Variants in AHI1 observed in about 807,000 individuals in gnomAD.
AHI1 encodes the protein Abelson helper integration site 1.
In AHI1, 123 loss-of-function variants were observed where a neutral mutation model predicts 149.3. The observed-to-expected ratio is 0.82, with a 90% confidence interval of 0.71 to 0.96. AHI1 has a LOEUF of 0.96. Among genes scored for constraint, AHI1 ranks in the 40% least tolerant of loss-of-function variants. The probability of loss-of-function intolerance (pLI) is 0.00; values close to 1 mark genes in which losing one functional copy is unlikely to be tolerated. For synonymous variants in AHI1, 475 were observed against 459.8 expected (o/e 1.03, Z -0.42); for missense variants, 1,439 against 1,422.7 (o/e 1.01, Z -0.18).
At chr6:135,459,499 G>GA (rs918322464) in intron 8 of AHI1, among the ~76,000 whole-genome samples, 5 of 151,338 alleles carry the variant, frequency 3.3e-5, no homozygotes, top group South Asian at 2.1e-4. Flanking sequence ...ACAGTTACAA[G>GA]AAAAAAAATC....
chr6:135,306,313 C>G (rs924079135), intron 26 of AHI1, among the ~76,000 whole-genome samples: 22 of 152,166 alleles, frequency 1.4e-4, no homozygotes, highest in African/African-American at 5.1e-4. Flanking sequence ...AAAGGAAAAG[C>G]AGTTCCTTCT....
Position 135,444,957 on chromosome 6 carries a change from A to C in AHI1, c.1779+2051T>G, listed in dbSNP as rs547176759. On this transcript the variant is annotated intron_variant, in intron 13 of 28. Coordinates refer to ENST00000265602, the MANE Select transcript of AHI1 (RefSeq NM_001134831.2). ...TACATTTTGAGAACTGCTGATCTGT[A>C]CAATCATCTTTATACCTACATTTCC... 3.3e-5 allele frequency among the ~76,000 whole-genome samples: 5 copies of C among 152,324 alleles called. No homozygotes were observed. In the East Asian group the frequency reaches 9.7e-4, roughly 29 times the overall value.
intron 21 of AHI1, among the ~76,000 whole-genome samples, chr6:135,409,479 G>C (rs1273393098): frequency 6.6e-6 from 1 of 152,052 alleles, no homozygotes; most frequent in African/African-American, 2.4e-5. Flanking sequence ...AGTGACCTAA[G>C]ATATATATGT....
intron 5 of AHI1, chr6:135,490,032 T>C (rs1795035658): frequency 1.6e-6 from 1 of 606,878 alleles, no homozygotes; most frequent in Non-Finnish European, 2.9e-6. Flanking sequence ...GCATAGAGCA[T>C]TAACTGTGGA....
intron 15 of AHI1, among the ~76,000 whole-genome samples, chr6:135,436,786 G>C (rs939963870): frequency 1.3e-5 from 2 of 152,068 alleles, no homozygotes; most frequent in Admixed American, 1.3e-4. Context: ...ATTTTTAATA[G>C]AGACAGGGTT....
chr6:135,335,916 C>T (rs1251011808), intron 24 of AHI1, among the ~76,000 whole-genome samples: 2 of 151,758 alleles, frequency 1.3e-5, no homozygotes, highest in African/African-American at 4.8e-5. Context: ...AGTTTGAGAC[C>T]AGCCTGGCCA....
At chr6:135,478,662 A>C (rs1793111017) in intron 5 of AHI1, among the ~76,000 whole-genome samples, 1 of 152,252 alleles carries the variant, frequency 6.6e-6, no homozygotes, top group South Asian at 2.1e-4. Context: ...TAAAAAGAAA[A>C]ACCAGTTTTC....
At chr6:135,496,182 TCTC>T (rs1795940021) in intron 2 of AHI1, among the ~76,000 whole-genome samples, 1 of 152,014 alleles carries the variant, frequency 6.6e-6, no homozygotes, top group Admixed American at 6.5e-5. Context: ...AGTGGCACAA[TCTC>T]AGCTCACTGC....
intron 24 of AHI1, among the ~76,000 whole-genome samples, chr6:135,330,144 C>G (rs1788328919): frequency 6.6e-6 from 1 of 152,198 alleles, no homozygotes; most frequent in Non-Finnish European, 1.5e-5. Context: ...GTTGATAAAG[C>G]AGCAGCAGGG....
intron 13 of AHI1, among the ~76,000 whole-genome samples, chr6:135,443,364 T>C (rs894073330): frequency 2.0e-5 from 3 of 152,230 alleles, no homozygotes; most frequent in Non-Finnish European, 2.9e-5. Context: ...TTATCCTAAT[T>C]CTATCTCTTG....
At chr6:135,293,257 A>T (rs1003116722) in intron 27 of AHI1, among the ~76,000 whole-genome samples, 11 of 152,048 alleles carry the variant, frequency 7.2e-5, no homozygotes, top group Non-Finnish European at 1.3e-4. Context: ...AAAAACCTAG[A>T]ATAACATCAT....
At chr6:135,386,091 G>A (rs1205450363) in intron 23 of AHI1, among the ~76,000 whole-genome samples, 4 of 152,090 alleles carry the variant, frequency 2.6e-5, no homozygotes, top group Admixed American at 6.5e-5. Flanking sequence ...AAAACATATC[G>A]TCTGGCCTAC....
intron 28 of AHI1, among the ~76,000 whole-genome samples, chr6:135,287,585 A>G (rs977762075): frequency 1.3e-5 from 2 of 152,198 alleles, no homozygotes; most frequent in Admixed American, 1.3e-4. Flanking sequence ...ACATCTAACC[A>G]AAAGACAAGG....
At chr6:135,446,863 A>T in intron 13 of AHI1, 145 bp downstream of exon 13, 1 of 776,212 alleles carries the variant, frequency 1.3e-6, no homozygotes, top group Non-Finnish European at 2.0e-6. Flanking sequence ...TTGTCAAATT[A>T]ATTAATGGAA....
At chr6:135,462,432 G>C (rs542688783) in intron 8 of AHI1, among the ~76,000 whole-genome samples, 1 of 151,506 alleles carries the variant, frequency 6.6e-6, no homozygotes, top group Non-Finnish European at 1.5e-5. Context: ...ATGTTGGACA[G>C]GATGCAGCCT....
chr6:135,357,787 T>C (rs1264485714), intron 24 of AHI1, among the ~76,000 whole-genome samples: 2 of 152,202 alleles, frequency 1.3e-5, no homozygotes, highest in African/African-American at 4.8e-5. Context: ...GGATAAAAGA[T>C]AAGACTTCAG....
At chr6:135,427,084 T>C (rs1784010499) in intron 20 of AHI1, 83 bp downstream of exon 20, 2 of 1,390,812 alleles carry the variant, frequency 1.4e-6, no homozygotes, top group Non-Finnish European at 2.0e-6. Context: ...TTTGTCAACA[T>C]TTGAATTCCA....
Position 135,287,260 on chromosome 6 carries a change from G to C in AHI1, c.3589-1613C>G, listed in dbSNP as rs1027248148. Among the ~76,000 whole-genome samples, 6 of 152,072 alleles carry C rather than the reference G, an allele frequency of 3.9e-5. 1 individual carries two copies. The highest frequency in any genetic ancestry group is 2.0e-4 in the Admixed American group (3 of 15,262). On this transcript the variant is annotated intron_variant, in intron 28 of 28. Transcript: ENST00000265602. ...TGAGAAGTAAACAGAGAAGCCAGAC[G>C]GACCTTCAGGAGAAGAACCCAAAGA... is the stretch of plus-strand genomic sequence containing the variant.
intron 22 of AHI1, among the ~76,000 whole-genome samples, chr6:135,398,396 C>A (rs891661513): frequency 3.9e-5 from 6 of 152,058 alleles, no homozygotes; most frequent in Non-Finnish European, 8.8e-5. Context: ...ATTTCTACAG[C>A]AATAAGATAC....
Sources: allele counts gnomAD v4.1 joint callset (sites outside exome capture counted in the v4.1 genomes callset), GRCh38; gene constraint gnomAD v4.1.1; transcripts MANE v1.5; gene names NCBI Gene and HGNC (gene_info 2026-07-23, HGNC 2026-07-21).